Variants in PIEZO2 observed in about 807,000 individuals in gnomAD.
PIEZO2 encodes the protein piezo type mechanosensitive ion channel component 2.
In PIEZO2, 172 loss-of-function variants were observed where a neutral mutation model predicts 337.3. That is an observed-to-expected ratio of 0.51 (90% CI 0.45 to 0.58). The LOEUF (loss-of-function observed/expected upper bound fraction) is 0.58, where lower values mean the gene tolerates loss of function less well. PIEZO2 is among the 20% of genes least tolerant of loss of function. The pLI is 0.00. For synonymous variants in PIEZO2, 1,251 were observed against 1,228.5 expected, an observed-to-expected ratio of 1.02 and a Z score of -0.38; for missense variants, 3,028 against 3,391.3, an observed-to-expected ratio of 0.89 and a Z score of 2.66.
At chr18:11,113,765 C>A (rs1417297972) in intron 1 of PIEZO2, among the ~76,000 whole-genome samples, 1 of 152,168 alleles carries the variant, frequency 6.6e-6, no homozygotes, top group Admixed American at 6.5e-5. Context: ...CAACGCAGGC[C>A]TTCCTGGCCA....
Position 11,149,542 on chromosome 18 carries a change from C to A in PIEZO2, c.-954G>T, listed in dbSNP as rs979621423. ...CCCTCGCGGCGCAGCCGGGGCTCCCCGGCGGCGCGCGCTTCTCCACCTTCA... is the reference window on the plus strand; with the variant it reads ...CCCTCGCGGCGCAGCCGGGGCTCCCAGGCGGCGCGCGCTTCTCCACCTTCA... On this transcript the variant is annotated 5_prime_UTR_variant, in exon 1 of 56. Coordinates refer to ENST00000674853, the MANE Select transcript of PIEZO2 (RefSeq NM_001378183.1). This position sits in a 1 kb window ranked among gnomAD's most constrained non-coding sequence, Gnocchi z 8.7. Among the ~76,000 whole-genome samples the A allele has an allele frequency of 6.6e-6, 1 of 151,770 alleles. No homozygotes were observed. The highest frequency in any genetic ancestry group is 2.4e-5 in the African/African-American group (1 of 41,346).
At position 11,127,885 on chromosome 18, in the gene PIEZO2, G is replaced by A. The variant is rs1270241580; in HGVS notation, c.64+20640C>T. On this transcript the variant is annotated intron_variant, in intron 1 of 55. Coordinates refer to ENST00000674853, the MANE Select transcript of PIEZO2 (RefSeq NM_001378183.1). The surrounding 1 kb of genome is among the most constrained non-coding windows in gnomAD (Gnocchi z 4.5). ...AATACAGATTTTGGTATCAGGAGTG[G>A]TTCTAGAGGAACAGAATATTAAGGA... Among the ~76,000 whole-genome samples, 2 of 150,708 alleles carry A rather than the reference G, an allele frequency of 1.3e-5. No homozygotes were observed. The highest frequency in any genetic ancestry group is 2.1e-4 in the South Asian group (1 of 4,762).
chr18:11,094,082 G>A lies in PIEZO2; in HGVS notation c.65-27860C>T, dbSNP rs762269475. Among the ~76,000 whole-genome samples the A allele has an allele frequency of 6.6e-5, 10 of 152,034 alleles. No individual in the cohort carries two copies. Among genetic ancestry groups the A allele is most frequent in the Non-Finnish European group, 1.5e-4 (10 of 67,976 alleles). On this transcript the variant is annotated intron_variant, in intron 1 of 55. Transcript: ENST00000674853. This position sits in a 1 kb window ranked among gnomAD's most constrained non-coding sequence, Gnocchi z 4.4. ...CAACCTCTGCCTCCTGGGTTCAAGCGATTCTCCTGCTTCAGCCTCCCAAGT... is the reference window on the plus strand; with the variant it reads ...CAACCTCTGCCTCCTGGGTTCAAGCAATTCTCCTGCTTCAGCCTCCCAAGT...
chr18:11,055,192 A>C (rs549518350), intron 2 of PIEZO2, among the ~76,000 whole-genome samples: 284 of 143,844 alleles, frequency 2.0e-3, no homozygotes, highest in African/African-American at 7.1e-3. Flanking sequence ...GCCTGGGCGA[A>C]AGAGTGAGAC....
chr18:10,744,194 C>G lies in PIEZO2; in HGVS notation c.4462G>C (p.Val1488Leu). The G allele has an allele frequency of 6.5e-7, 1 of 1,536,952 alleles. No individual in the cohort carries two copies. The highest frequency in any genetic ancestry group is 8.7e-7 in the Non-Finnish European group (1 of 1,146,660). Residue 1488 changes from valine to leucine, a missense_variant, in exon 31 of 56, where the codon GTA becomes CTA. By Grantham distance (32) the Val-to-Leu change is conservative. Coordinates refer to ENST00000674853, the MANE Select transcript of PIEZO2 (RefSeq NM_001378183.1). ...ELFQATIVKA[V>L]KARIEEEKKS... ...TTCTCTTCCTCAATTCTTGCCTTTA[C>G]AGCTTTTACAATTGTGGCCTGGAAA...
chr18:11,099,180 A>T lies in PIEZO2; in HGVS notation c.65-32958T>A, dbSNP rs2039342770. Among the ~76,000 whole-genome samples, 1 of 152,052 alleles carries T rather than the reference A, an allele frequency of 6.6e-6. No individual in the cohort carries two copies. The highest frequency in any genetic ancestry group is 1.5e-5 in the Non-Finnish European group (1 of 68,024). On this transcript the variant is annotated intron_variant, in intron 1 of 55. Transcript: ENST00000674853. The surrounding 1 kb of genome is among the most constrained non-coding windows in gnomAD (Gnocchi z 5.4). ...TCCCTGACTGGACTGACATTTCACT[A>T]TTTTTTACAGTCCTGCATTCAGAAG...
At chr18:10,730,427 T>C (rs961055847) in intron 36 of PIEZO2, among the ~76,000 whole-genome samples, 12 of 152,248 alleles carry the variant, frequency 7.9e-5, no homozygotes, top group Non-Finnish European at 1.2e-4. Flanking sequence ...ATTGATTGAA[T>C]TGAATTTTTC....
intron 48 of PIEZO2, among the ~76,000 whole-genome samples, chr18:10,690,094 T>G (rs1354947690): frequency 7.0e-6 from 1 of 143,672 alleles, no homozygotes. Context: ...TCTTTCACAT[T>G]TATTTGTTCA....
At position 10,749,699 on chromosome 18, in the gene PIEZO2, T is replaced by TG. The variant is rs1378729778; in HGVS notation, c.4264+391dup. ...TAGGCTTGAAGCTCTCTGAGCTTCC[T>TG]GAGGACAGGAGGAGCCTGAAGTCAG... On this transcript the variant is annotated intron_variant, in intron 29 of 55. Transcript: ENST00000674853. Among the ~76,000 whole-genome samples, 4 of 152,270 alleles carry TG rather than the reference T, an allele frequency of 2.6e-5. No homozygotes were observed. In the South Asian group the frequency reaches 6.2e-4, roughly 24 times the overall value.
At chr18:10,705,944 T>C (rs961410158) in intron 40 of PIEZO2, among the ~76,000 whole-genome samples, 198 bp from the exon 41 acceptor site, 3 of 152,194 alleles carry the variant, frequency 2.0e-5, no homozygotes, top group Admixed American at 6.5e-5. Context: ...CCAATGCAAA[T>C]GTTGACAGTG....
chr18:10,984,402 A>G (rs1368669900), intron 2 of PIEZO2, among the ~76,000 whole-genome samples: 2 of 152,072 alleles, frequency 1.3e-5, no homozygotes, highest in East Asian at 1.9e-4. Flanking sequence ...AAAAGAAAGA[A>G]CCAAACAAAA....
chr18:10,971,247 G>T (rs185625377), intron 3 of PIEZO2, among the ~76,000 whole-genome samples: 2 of 152,308 alleles, frequency 1.3e-5, no homozygotes, highest in East Asian at 3.9e-4. Context: ...CTACCTATGT[G>T]TAATTCTGGC....
rs1309968959 is a variant in PIEZO2 at position 11,078,147 on chromosome 18, C to CCA, written c.65-11927_65-11926dup. 6.7e-6 allele frequency among the ~76,000 whole-genome samples: 1 copy of CCA among 149,914 alleles called. No individual in the cohort carries two copies. Among genetic ancestry groups the CCA allele is most frequent in the Non-Finnish European group, 1.5e-5 (1 of 67,264 alleles). ...ATACACACACATACACACACACTCA[C>CCA]CACACACACACATACACACACCACA... On this transcript the variant is annotated intron_variant, in intron 1 of 55. Transcript: ENST00000674853. The surrounding 1 kb of genome is among the most constrained non-coding windows in gnomAD (Gnocchi z 5.3).
In PIEZO2 at chr18:10,784,975, A is replaced by G; in HGVS notation, c.2319-18T>C. 2.0e-6 allele frequency: 3 copies of G among 1,525,376 alleles called. No individual in the cohort carries two copies. Among genetic ancestry groups the G allele is most frequent in the Non-Finnish European group, 2.6e-6 (3 of 1,141,930 alleles). The allele number at this position is 1,525,376 out of a possible 1,614,324, so 94.5% of individuals were successfully genotyped here. A position where few individuals can be genotyped will look rare whatever the true frequency, so the allele number is the denominator to read the frequency against. On this transcript the variant is annotated intron_variant, in intron 16 of 55. Coordinates refer to ENST00000674853, the MANE Select transcript of PIEZO2 (RefSeq NM_001378183.1). The surrounding 1 kb of genome is among the most constrained non-coding windows in gnomAD (Gnocchi z 4.5). ...CCTCAAGCCTGCAAAACAAAACAAA[A>G]TAAAAAGCAGGAACCTCTCTTACGC...
intron 1 of PIEZO2, among the ~76,000 whole-genome samples, chr18:11,072,872 A>G (rs1486076325): frequency 6.6e-6 from 1 of 152,114 alleles, no homozygotes; most frequent in East Asian, 1.9e-4. Context: ...GGTATAAGCC[A>G]CCTCCCCCAG....
At chr18:11,045,155 G>A (rs1414496292) in intron 2 of PIEZO2, among the ~76,000 whole-genome samples, 1 of 151,582 alleles carries the variant, frequency 6.6e-6, no homozygotes, top group African/African-American at 2.4e-5. Flanking sequence ...AAATTAGCCG[G>A]GCATGGTGGC....
intron 4 of PIEZO2, among the ~76,000 whole-genome samples, chr18:10,886,400 A>G (rs867167784): frequency 7.0e-4 from 40 of 57,340 alleles, no homozygotes; most frequent in African/African-American, 4.4e-3. Context: ...ATATATATAT[A>G]TATATATATA....
Position 10,878,005 on chromosome 18 carries a change from T to C in PIEZO2, c.330-6590A>G, listed in dbSNP as rs2042313978. ...CCCAGTATGCTTCAGGTTCTCCTCA[T>C]CTCTAAAAACACACCTGCCATGTCT... is the stretch of plus-strand genomic sequence containing the variant. On this transcript the variant is annotated intron_variant, in intron 4 of 55. Coordinates refer to ENST00000674853, the MANE Select transcript of PIEZO2 (RefSeq NM_001378183.1). This position sits in a 1 kb window ranked among gnomAD's most constrained non-coding sequence, Gnocchi z 4.3. Among the ~76,000 whole-genome samples the C allele has an allele frequency of 6.6e-6, 1 of 152,080 alleles. No individual in the cohort carries two copies. Among genetic ancestry groups the C allele is most frequent in the Admixed American group, 6.5e-5 (1 of 15,268 alleles).
intron 4 of PIEZO2, 46 bp from the exon 5 acceptor site, chr18:10,871,461 A>G (rs1030170487): frequency 1.3e-6 from 2 of 1,494,964 alleles, no homozygotes; most frequent in African/African-American, 1.4e-5. Context: ...TAGTTCTTAT[A>G]TTTCTACGGT....
Sources: gnomAD v4.1 joint callset for allele counts (sites outside exome capture counted in the v4.1 genomes callset) on GRCh38, gnomAD v4.1.1 for gene constraint, Gnocchi (gnomAD v3.1) non-coding constraint, MANE v1.5 for transcripts, NCBI Gene and HGNC (gene_info 2026-07-23, HGNC 2026-07-21) for gene names.